Variants in BICC1 observed in about 807,000 individuals in gnomAD.
BICC1 encodes the protein BicC family RNA binding protein 1.
In BICC1, 43 loss-of-function variants were observed where a neutral mutation model predicts 111.0. The observed-to-expected ratio is 0.39, with a 90% confidence interval of 0.30 to 0.50. BICC1 has a LOEUF of 0.50. Among genes scored for constraint, BICC1 ranks in the 20% least tolerant of loss-of-function variants. The probability of loss-of-function intolerance (pLI) is 0.88; values close to 1 mark genes in which losing one functional copy is unlikely to be tolerated. For synonymous variants in BICC1, 467 were observed against 434.4 expected (o/e 1.07, Z -0.93); for missense variants, 1,091 against 1,203.2 (o/e 0.91, Z 1.38).
At chr10:58,703,977 C>G (rs898303539) in intron 3 of BICC1, among the ~76,000 whole-genome samples, 2 of 152,068 alleles carry the variant, frequency 1.3e-5, no homozygotes, top group African/African-American at 4.8e-5. Context: ...AAACTGAGAA[C>G]TGATTAGTTT....
At chr10:58,605,653 C>A (rs755034320) in intron 1 of BICC1, among the ~76,000 whole-genome samples, 1 of 152,270 alleles carries the variant, frequency 6.6e-6, no homozygotes, top group African/African-American at 2.4e-5. Context: ...CTCTAGATTA[C>A]TTACAATACC....
At chr10:58,686,895 C>G (rs1258380728) in intron 2 of BICC1, among the ~76,000 whole-genome samples, 1 of 152,232 alleles carries the variant, frequency 6.6e-6, no homozygotes. Flanking sequence ...CATTGTCCAT[C>G]TAGCTTTGTT....
chr10:58,539,873 A>G (rs1189074399), intron 1 of BICC1, among the ~76,000 whole-genome samples: 1 of 151,958 alleles, frequency 6.6e-6, no homozygotes, highest in Non-Finnish European at 1.5e-5. Flanking sequence ...AGGATATATC[A>G]CATGGTAGGC....
intron 1 of BICC1, among the ~76,000 whole-genome samples, chr10:58,549,138 C>T (rs1843220777): frequency 7.6e-6 from 1 of 130,754 alleles, no homozygotes. Flanking sequence ...GAGCCACCTC[C>T]CTCAGCCAGT....
chr10:58,639,128 A>C (rs1224523188), intron 2 of BICC1, among the ~76,000 whole-genome samples: 2 of 152,158 alleles, frequency 1.3e-5, no homozygotes, highest in African/African-American at 4.8e-5. Flanking sequence ...TATAAAATAC[A>C]TTGTTATTAA....
chr10:58,656,734 A>G (rs1838666157), intron 2 of BICC1, among the ~76,000 whole-genome samples: 2 of 152,182 alleles, frequency 1.3e-5, no homozygotes, highest in African/African-American at 4.8e-5. Flanking sequence ...TAATAAGTTC[A>G]GTTCTAAAAT....
At chr10:58,627,595 G>T (rs965333378) in intron 2 of BICC1, among the ~76,000 whole-genome samples, 2 of 152,140 alleles carry the variant, frequency 1.3e-5, no homozygotes, top group African/African-American at 4.8e-5. Flanking sequence ...AAACATTTTT[G>T]TGTGGGTCAG....
At chr10:58,600,764 C>T (rs1316074869) in intron 1 of BICC1, among the ~76,000 whole-genome samples, 1 of 152,036 alleles carries the variant, frequency 6.6e-6, no homozygotes, top group Non-Finnish European at 1.5e-5. Flanking sequence ...TATGATGATC[C>T]ACTTCCACTT....
chr10:58,623,789 C>T (rs567992487), intron 2 of BICC1, among the ~76,000 whole-genome samples: 7 of 152,206 alleles, frequency 4.6e-5, no homozygotes, highest in South Asian at 4.1e-4. Context: ...ATGGTTGTAA[C>T]GCCCAGGCCT....
intron 1 of BICC1, among the ~76,000 whole-genome samples, chr10:58,590,309 T>C (rs1226252748): frequency 6.6e-6 from 1 of 152,168 alleles, no homozygotes; most frequent in Non-Finnish European, 1.5e-5. Flanking sequence ...GCAGGAATCG[T>C]GACATCTCTG....
chr10:58,765,418 T>C (rs1842430276), intron 3 of BICC1, among the ~76,000 whole-genome samples: 1 of 152,220 alleles, frequency 6.6e-6, no homozygotes, highest in Non-Finnish European at 1.5e-5. Context: ...GTTGTTTGAA[T>C]AGGACCTCTC....
intron 2 of BICC1, among the ~76,000 whole-genome samples, chr10:58,633,403 G>A (rs1837857732): frequency 6.6e-6 from 1 of 152,228 alleles, no homozygotes; most frequent in Admixed American, 6.5e-5. Flanking sequence ...TTGCAGTATA[G>A]TTGCTTTGCA....
chr10:58,824,011 T>C lies in BICC1; in HGVS notation c.2794+3543T>C, dbSNP rs2132985027. On this transcript the variant is annotated intron_variant, in intron 20 of 20. Coordinates refer to ENST00000373886, the MANE Select transcript of BICC1 (RefSeq NM_001080512.3). Reference sequence around the variant, plus strand: ...CTTTTGCTTGTAAAGATACCTTCCTTGCTTCTTCAGAGTGAAGCTGGGTTT... The same window carrying C: ...CTTTTGCTTGTAAAGATACCTTCCTCGCTTCTTCAGAGTGAAGCTGGGTTT... The C allele has an allele frequency of 4.1e-6, 4 of 985,218 alleles. No homozygotes were observed. In the South Asian group the frequency reaches 1.9e-4, roughly 46 times the overall value. 61.0% of individuals were successfully genotyped at this position (985,218 alleles called of 1,614,324 possible).
chr10:58,619,317 G>C (rs781615164), intron 1 of BICC1, among the ~76,000 whole-genome samples: 12 of 152,026 alleles, frequency 7.9e-5, no homozygotes, highest in Non-Finnish European at 1.3e-4. Context: ...CATGTACTCT[G>C]CAATCTGTTG....
chr10:58,677,864 C>A (rs1410908138), intron 2 of BICC1, among the ~76,000 whole-genome samples: 2 of 152,194 alleles, frequency 1.3e-5, no homozygotes, highest in African/African-American at 2.4e-5. Flanking sequence ...TGAAATCCTA[C>A]AAACCAGAAA....
intron 2 of BICC1, among the ~76,000 whole-genome samples, chr10:58,678,992 A>T (rs932006028): frequency 6.6e-6 from 1 of 152,214 alleles, no homozygotes. Flanking sequence ...ACCAATGTGA[A>T]CGAAGACACA....
In BICC1 at chr10:58,831,406, TTATA is replaced by T. The variant is rs1844546637; in HGVS notation, c.*2518_*2521del. 2.0e-5 allele frequency: 3 copies of T among 152,102 alleles called. No individual in the cohort carries two copies. The highest frequency in any genetic ancestry group is 4.4e-5 in the Non-Finnish European group (3 of 68,018). 9.4% of individuals were successfully genotyped at this position (152,102 alleles called of 1,614,324 possible). A position where few individuals can be genotyped will look rare whatever the true frequency, so the allele number is the denominator to read the frequency against. On this transcript the variant is annotated 3_prime_UTR_variant, in exon 21 of 21. Coordinates refer to ENST00000373886, the MANE Select transcript of BICC1 (RefSeq NM_001080512.3). ...ATCAATTGTTACATGAAAAATAAATTTATATAACCCCTTTGTATTGCTCTTGCTA... is the reference window on the plus strand; with the variant it reads ...ATCAATTGTTACATGAAAAATAAATTTAACCCCTTTGTATTGCTCTTGCTA...
At chr10:58,619,943 C>T (rs554254544) in intron 1 of BICC1, among the ~76,000 whole-genome samples, 7 of 152,252 alleles carry the variant, frequency 4.6e-5, no homozygotes, top group African/African-American at 1.2e-4. Flanking sequence ...TTTGGTTTAC[C>T]GTGGTCTTCC....
intron 3 of BICC1, among the ~76,000 whole-genome samples, chr10:58,782,488 G>C (rs1842908062): frequency 6.6e-6 from 1 of 152,194 alleles, no homozygotes; most frequent in African/African-American, 2.4e-5. Context: ...TGAAATGCCA[G>C]TTACTGAGTC....
Sources: gnomAD v4.1 joint callset for allele counts (sites outside exome capture counted in the v4.1 genomes callset) on GRCh38, gnomAD v4.1.1 for gene constraint, MANE v1.5 for transcripts, NCBI Gene and HGNC (gene_info 2026-07-23, HGNC 2026-07-21) for gene names.